The following ADCY2 variants were observed in gnomAD, a reference collection of about 807,000 sequenced individuals.
The protein encoded by ADCY2 is adenylate cyclase 2.
Under a neutral mutation model 125.2 loss-of-function variants are expected in ADCY2, and 31 were observed. That is an observed-to-expected ratio of 0.25 (90% CI 0.19 to 0.33). The LOEUF is 0.33. Ranked by LOEUF, ADCY2 falls within the 10% of genes least tolerant of loss-of-function variation. ADCY2 has a pLI of 1.00. For synonymous variants in ADCY2, 512 were observed against 548.4 expected (o/e 0.93, Z 0.93); for missense variants, 904 against 1,418.2 (o/e 0.64, Z 5.82).
intron 3 of ADCY2, among the ~76,000 whole-genome samples, chr5:7,534,292 T>A (rs1447767927): frequency 2.0e-5 from 3 of 152,270 alleles, no homozygotes; most frequent in Admixed American, 1.3e-4. Context: ...TTCTGTCAAT[T>A]ATGTAATGTT....
At chr5:7,539,922 G>T (rs1236748694) in intron 3 of ADCY2, among the ~76,000 whole-genome samples, 1 of 152,168 alleles carries the variant, frequency 6.6e-6, no homozygotes, top group African/African-American at 2.4e-5. Context: ...CAAAGTCCTT[G>T]ACTCTCTGCT....
intron 2 of ADCY2, among the ~76,000 whole-genome samples, chr5:7,493,001 G>A (rs1180903166): frequency 1.3e-5 from 2 of 152,152 alleles, no homozygotes; most frequent in Non-Finnish European, 2.9e-5. Context: ...GTGCTCAGCC[G>A]GGGTTCTGAG....
chr5:7,648,118 A>C (rs1317182813), intron 4 of ADCY2, among the ~76,000 whole-genome samples: 1 of 152,202 alleles, frequency 6.6e-6, no homozygotes, highest in Non-Finnish European at 1.5e-5. Context: ...ATCTGTTAGA[A>C]GCCTTCAAAG....
chr5:7,706,066 A>G (rs11953785), intron 7 of ADCY2, among the ~76,000 whole-genome samples: 6,770 of 152,222 alleles, frequency 0.044, 502 homozygotes, highest in African/African-American at 0.15. Flanking sequence ...TTGTTTTGCA[A>G]TACTACTTTA....
chr5:7,514,744 C>T (rs553244862), intron 2 of ADCY2, among the ~76,000 whole-genome samples: 5 of 152,286 alleles, frequency 3.3e-5, no homozygotes, highest in South Asian at 2.1e-4. Flanking sequence ...GAGAAGAGAA[C>T]GCTGTGCAGA....
chr5:7,401,141 C>T (rs1469535445), intron 1 of ADCY2, among the ~76,000 whole-genome samples: 1 of 152,242 alleles, frequency 6.6e-6, no homozygotes, highest in African/African-American at 2.4e-5. Flanking sequence ...AGCTGATGTC[C>T]TCAATTAGTA....
chr5:7,733,604 T>C (rs750549018), intron 14 of ADCY2, among the ~76,000 whole-genome samples: 3 of 152,084 alleles, frequency 2.0e-5, no homozygotes, highest in Non-Finnish European at 4.4e-5. Flanking sequence ...ACCTGTAGAA[T>C]TTATAGAACT....
At chr5:7,442,056 T>A (rs898361711) in intron 2 of ADCY2, among the ~76,000 whole-genome samples, 1 of 152,212 alleles carries the variant, frequency 6.6e-6, no homozygotes, top group African/African-American at 2.4e-5. Context: ...TACACCATTA[T>A]CACACTTAAC....
chr5:7,476,714 C>A (rs2126465463), intron 2 of ADCY2, among the ~76,000 whole-genome samples: 1 of 152,270 alleles, frequency 6.6e-6, no homozygotes, highest in African/African-American at 2.4e-5. Flanking sequence ...CAAGGATGGA[C>A]AAGATCAACA....
intron 15 of ADCY2, among the ~76,000 whole-genome samples, chr5:7,754,448 T>A (rs780928041): frequency 8.5e-5 from 13 of 152,124 alleles, no homozygotes; most frequent in Non-Finnish European, 1.5e-4. Context: ...CATTATCATA[T>A]CTATTGATAA....
At chr5:7,808,564 G>A (rs1429811614) in intron 22 of ADCY2, among the ~76,000 whole-genome samples, 3 of 152,198 alleles carry the variant, frequency 2.0e-5, no homozygotes, top group Admixed American at 6.5e-5. Context: ...GAGGCACGGA[G>A]CAGTCAAGTA....
chr5:7,679,290 C>G (rs575999192), intron 4 of ADCY2, among the ~76,000 whole-genome samples: 2 of 151,796 alleles, frequency 1.3e-5, no homozygotes, highest in East Asian at 3.9e-4. Context: ...TGCTCCAGTG[C>G]GGGTCTGAGG....
rs1740528856 is a variant in ADCY2, at chr5:7,686,609, A to C, written c.721-4082A>C. Among the ~76,000 whole-genome samples, 2 of 152,250 alleles carry C rather than the reference A, an allele frequency of 1.3e-5. 1 individual carries two copies. Among genetic ancestry groups the C allele is most frequent in the South Asian group, 4.1e-4 (2 of 4,822 alleles). ...AGTTTAATGACAACTTAATTTTTCA[A>C]AAGTATCCTTAAGGAATTTCTCCAA... On this transcript the variant is annotated intron_variant, in intron 4 of 24. Transcript: ENST00000338316.
chr5:7,777,086 T>C (rs1743755961), intron 18 of ADCY2, among the ~76,000 whole-genome samples: 1 of 152,102 alleles, frequency 6.6e-6, no homozygotes, highest in African/African-American at 2.4e-5. Flanking sequence ...CTATTAGTTC[T>C]AGCCCTCTGG....
intron 2 of ADCY2, among the ~76,000 whole-genome samples, chr5:7,487,768 G>A (rs958249865): frequency 6.6e-6 from 1 of 152,148 alleles, no homozygotes; most frequent in Non-Finnish European, 1.5e-5. Flanking sequence ...CTTTTGATGA[G>A]AATAACCCAT....
chr5:7,425,522 T>C (rs1740355244), intron 2 of ADCY2, among the ~76,000 whole-genome samples: 1 of 152,272 alleles, frequency 6.6e-6, no homozygotes. Flanking sequence ...GAGTGAATTA[T>C]AGACTTCAGG....
chr5:7,430,990 A>G (rs1449028220), intron 2 of ADCY2, among the ~76,000 whole-genome samples: 1 of 152,174 alleles, frequency 6.6e-6, no homozygotes, highest in Non-Finnish European at 1.5e-5. Flanking sequence ...TGATCAACAC[A>G]TCTTGAGATT....
At chr5:7,771,515 T>G (rs1310952477) in intron 17 of ADCY2, among the ~76,000 whole-genome samples, 1 of 152,200 alleles carries the variant, frequency 6.6e-6, no homozygotes, top group Non-Finnish European at 1.5e-5. Flanking sequence ...TTGGTCTTCC[T>G]TTTGAAGCCA....
At chr5:7,616,854 G>A (rs183692522) in intron 3 of ADCY2, among the ~76,000 whole-genome samples, 1 of 152,126 alleles carries the variant, frequency 6.6e-6, no homozygotes, top group Non-Finnish European at 1.5e-5. Flanking sequence ...GAGATCTTTA[G>A]GGTGGGCCCT....
Sources: allele counts gnomAD v4.1 joint callset (sites outside exome capture counted in the v4.1 genomes callset), GRCh38; gene constraint gnomAD v4.1.1; transcripts MANE v1.5; gene names NCBI Gene and HGNC (gene_info 2026-07-23, HGNC 2026-07-21).